Variants in PKNOX1 observed in about 807,000 individuals in gnomAD.
PKNOX1 encodes the protein homeobox protein PKNOX1.
A neutral mutation model predicts 51.9 loss-of-function variants in PKNOX1; 15 were observed. The observed-to-expected ratio is 0.29, with a 90% CI of 0.19 to 0.45. The LOEUF (loss-of-function observed/expected upper bound fraction) is 0.45, where lower values mean the gene tolerates loss of function less well. Among genes scored for constraint, PKNOX1 ranks in the 20% least tolerant of loss-of-function variants. The pLI is 1.00. For synonymous variants in PKNOX1, 219 were observed against 211.1 expected (o/e 1.04, Z -0.32); for missense variants, 462 against 547.5 (o/e 0.84, Z 1.56).
chr21:42,993,433 A>G (rs1208000942), intron 1 of PKNOX1, among the ~76,000 whole-genome samples: 1 of 148,742 alleles, frequency 6.7e-6, no homozygotes, highest in East Asian at 2.0e-4. Flanking sequence ...GACTGGCCCC[A>G]CTCCTGTTGA....
chr21:43,003,293 A>C (rs528551763), intron 1 of PKNOX1, among the ~76,000 whole-genome samples: 5 of 152,288 alleles, frequency 3.3e-5, no homozygotes, highest in Admixed American at 3.3e-4. Context: ...CCCACTCTGC[A>C]GTGTTTTTCC....
At chr21:43,014,178 C>T (rs567961012) in intron 5 of PKNOX1, among the ~76,000 whole-genome samples, 7 of 152,128 alleles carry the variant, frequency 4.6e-5, no homozygotes, top group African/African-American at 9.6e-5. Context: ...CCTGCCACCA[C>T]ACCCGGCTAA....
At chr21:43,022,960 G>A (rs1475561397) in intron 8 of PKNOX1, among the ~76,000 whole-genome samples, 1 of 152,150 alleles carries the variant, frequency 6.6e-6, no homozygotes, top group Non-Finnish European at 1.5e-5. Flanking sequence ...GTGGGATTGG[G>A]TGAGTACTCT....
chr21:42,977,548 T>G (rs2146214905), intron 1 of PKNOX1, among the ~76,000 whole-genome samples: 1 of 141,268 alleles, frequency 7.1e-6, no homozygotes. Context: ...TTTTTTTTTT[T>G]TTTTTTTTTT....
chr21:43,008,046 G>A (rs1196214455), intron 3 of PKNOX1, among the ~76,000 whole-genome samples: 2 of 120,200 alleles, frequency 1.7e-5, no homozygotes, highest in South Asian at 2.8e-4. Context: ...CCTGGGCAAC[G>A]AGAGCAAAAC....
In PKNOX1 at chr21:43,021,200, T is replaced by C. The variant is rs918145583; in HGVS notation, c.721-103T>C. ...CGTGCATGGGCCTCGACTACAATCATTTCCCTGTCCGATCCTTGGCTGTTT... is the reference window on the plus strand; with the variant it reads ...CGTGCATGGGCCTCGACTACAATCACTTCCCTGTCCGATCCTTGGCTGTTT... On this transcript the variant is annotated intron_variant, in intron 7 of 10. Coordinates refer to ENST00000291547, the MANE Select transcript of PKNOX1 (RefSeq NM_004571.5). This position sits in a 1 kb window ranked among gnomAD's most constrained non-coding sequence, Gnocchi z 4.6. 1.9e-5 allele frequency: 18 copies of C among 948,774 alleles called. No individual in the cohort carries two copies. The highest frequency in any genetic ancestry group is 3.4e-5 in the South Asian group (2 of 59,478). 58.8% of individuals were successfully genotyped at this position (948,774 alleles called of 1,614,324 possible). A position where few individuals can be genotyped will look rare whatever the true frequency, so the allele number is the denominator to read the frequency against.
At position 43,032,531 on chromosome 21, in the gene PKNOX1, G is replaced by A. The variant is rs1980321869; in HGVS notation, c.*2430G>A. 4.6e-6 allele frequency: 1 copy of A among 216,722 alleles called. No homozygotes were observed. Among genetic ancestry groups the A allele is most frequent in the African/African-American group, 2.3e-5 (1 of 44,154 alleles). 13.4% of individuals were successfully genotyped at this position (216,722 alleles called of 1,614,324 possible). The stretch of plus-strand genomic sequence containing the variant: ...TACTCGGGAGTCTGAGGCAGAGGAT[G>A]GCATGTGCCAGGAGTTTGAGGCTGC... On this transcript the variant is annotated 3_prime_UTR_variant, in exon 11 of 11. Transcript: ENST00000291547.
intron 2 of PKNOX1, 23 bp from the exon 3 acceptor site, chr21:43,007,468 G>T: frequency 6.2e-7 from 1 of 1,612,220 alleles, no homozygotes; most frequent in South Asian, 1.1e-5. Flanking sequence ...TTGCTAATAA[G>T]AATTATCTTC....
rs1013905206 is a variant in PKNOX1 at position 43,031,551 on chromosome 21, G to A, written c.*1450G>A. On this transcript the variant is annotated 3_prime_UTR_variant, in exon 11 of 11. Coordinates refer to ENST00000291547, the MANE Select transcript of PKNOX1 (RefSeq NM_004571.5). ...ATTTGTTTTCATTGTTTACTTAGGA[G>A]TGGTGCTTTTTCTCAGAAAACAGGC... 5.9e-5 allele frequency: 9 copies of A among 152,250 alleles called. No individual in the cohort carries two copies. Among genetic ancestry groups the A allele is most frequent in the African/African-American group, 1.9e-4 (8 of 41,458 alleles). 9.4% of individuals were successfully genotyped at this position (152,250 alleles called of 1,614,324 possible).
chr21:43,016,769 C>T (rs997946885), intron 5 of PKNOX1, 139 bp from the exon 6 acceptor site: 13 of 568,414 alleles, frequency 2.3e-5, no homozygotes, highest in Non-Finnish European at 3.1e-5. Flanking sequence ...ATTCTGAAGC[C>T]GCGTCATCTG....
intron 1 of PKNOX1, among the ~76,000 whole-genome samples, chr21:42,974,879 G>A (rs2058983959): frequency 1.4e-5 from 2 of 148,002 alleles, no homozygotes; most frequent in African/African-American, 4.9e-5. Flanking sequence ...GCACCCGCGG[G>A]GGAGGGGGCG....
rs1311863590 is a variant in PKNOX1 at position 43,033,164 on chromosome 21, T to C, written c.*3063T>C. ...CTGGCTGTGCTGGGTTCCAGCTCGC[T>C]CCCACCGAGGGACTAGCTTGGCCTT... On this transcript the variant is annotated 3_prime_UTR_variant, in exon 11 of 11. Coordinates refer to ENST00000291547, the MANE Select transcript of PKNOX1 (RefSeq NM_004571.5). 1 of 151,776 alleles carries C rather than the reference T, an allele frequency of 6.6e-6. No homozygotes were observed. Among genetic ancestry groups the C allele is most frequent in the Non-Finnish European group, 1.5e-5 (1 of 67,960 alleles). The allele number at this position is 151,776 out of a possible 1,614,324, so 9.4% of individuals were successfully genotyped here.
intron 1 of PKNOX1, among the ~76,000 whole-genome samples, chr21:42,997,683 C>T (rs1978568670): frequency 6.6e-6 from 1 of 152,158 alleles, no homozygotes; most frequent in Non-Finnish European, 1.5e-5. Flanking sequence ...TGTGAGGGTC[C>T]AGCATGGACA....
chr21:42,988,631 G>A (rs1162671732), intron 1 of PKNOX1, among the ~76,000 whole-genome samples: 2 of 152,154 alleles, frequency 1.3e-5, no homozygotes, highest in East Asian at 1.9e-4. Flanking sequence ...CCCATTGAGC[G>A]CTGGGACACG....
At chr21:42,979,928 G>A (rs746519416) in intron 1 of PKNOX1, among the ~76,000 whole-genome samples, 6 of 152,200 alleles carry the variant, frequency 3.9e-5, no homozygotes, top group Non-Finnish European at 7.3e-5. Flanking sequence ...CATGGTCAGT[G>A]AAGTATGACT....
At chr21:42,993,490 A>G (rs2146244104) in intron 1 of PKNOX1, among the ~76,000 whole-genome samples, 1 of 151,102 alleles carries the variant, frequency 6.6e-6, no homozygotes, top group African/African-American at 2.4e-5. Flanking sequence ...GTGTCCAAAG[A>G]GATTTTCGTA....
At chr21:42,974,686 CCGCCGCCGCCGCCGCCGCTCT>C (rs1309439595) in intron 1 of PKNOX1, 22 bp downstream of exon 1, 8 of 161,832 alleles carry the variant, frequency 4.9e-5, no homozygotes, top group Non-Finnish European at 9.1e-5. Context: ...CTCAACCGCT[CCGCCGCCGCCGCCGCCGCTCT>C]CGCCGCCGCC....
rs373913308 is a variant in PKNOX1 at position 42,991,569 on chromosome 21, T to A, written c.-56-12757T>A. Among the ~76,000 whole-genome samples the A allele has an allele frequency of 5.3e-5, 8 of 151,672 alleles. No individual in the cohort carries two copies. In the South Asian group the frequency reaches 6.2e-4, roughly 12 times the overall value. ...GTGAAATCCCGTCTCTACTAAAAATTCAAAAAAATTTAGCTGGGCATGGTG... is the reference window on the plus strand; with the variant it reads ...GTGAAATCCCGTCTCTACTAAAAATACAAAAAAATTTAGCTGGGCATGGTG... On this transcript the variant is annotated intron_variant, in intron 1 of 10. Transcript: ENST00000291547.
intron 1 of PKNOX1, among the ~76,000 whole-genome samples, chr21:42,990,748 A>G (rs541205614): frequency 7.2e-5 from 11 of 152,288 alleles, no homozygotes; most frequent in African/African-American, 2.4e-4. Context: ...GTTAAACCTG[A>G]GTGGTTTTGT....
Sources: gnomAD v4.1 joint callset for allele counts (sites outside exome capture counted in the v4.1 genomes callset) on GRCh38, gnomAD v4.1.1 for gene constraint, Gnocchi (gnomAD v3.1) non-coding constraint, MANE v1.5 for transcripts, NCBI Gene and HGNC (gene_info 2026-07-23, HGNC 2026-07-21) for gene names.